Variants in DPYD observed in about 807,000 individuals in gnomAD.
The protein encoded by DPYD is dihydropyrimidine dehydrogenase, also known as dihydropyrimidine dehydrogenase [NADP(+)].
In DPYD, 109 loss-of-function variants were observed where a neutral mutation model predicts 116.2. The ratio of observed to expected loss-of-function variants is 0.94; its 90% CI spans 0.80 to 1.10. The LOEUF is 1.10. Among genes scored for constraint, DPYD ranks in the 50% least tolerant of loss-of-function variants. The pLI is 0.00. For synonymous variants in DPYD, 440 were observed against 432.0 expected (o/e 1.02, Z -0.23); for missense variants, 1,302 against 1,254.5 (o/e 1.04, Z -0.57).
chr1:97,713,751 T>A (rs1038428455), intron 5 of DPYD, among the ~76,000 whole-genome samples: 1 of 152,168 alleles, frequency 6.6e-6, no homozygotes, highest in African/African-American at 2.4e-5. Flanking sequence ...TTCATCTATA[T>A]CTTACTTCTC....
At chr1:97,782,065 T>C (rs563995768) in intron 3 of DPYD, among the ~76,000 whole-genome samples, 1 of 152,154 alleles carries the variant, frequency 6.6e-6, no homozygotes. Flanking sequence ...CACTGGAAGG[T>C]ATTAGTACAA....
chr1:97,834,013 G>T (rs1257058104), intron 2 of DPYD, among the ~76,000 whole-genome samples: 1 of 152,004 alleles, frequency 6.6e-6, no homozygotes, highest in Non-Finnish European at 1.5e-5. Flanking sequence ...AGCTCCTGAA[G>T]CCCATCTATG....
At chr1:97,079,514 G>A (rs1406944267) in intron 22 of DPYD, among the ~76,000 whole-genome samples, 1 of 151,980 alleles carries the variant, frequency 6.6e-6, no homozygotes, top group African/African-American at 2.4e-5. Flanking sequence ...ACTTTCACAC[G>A]TCCTCCTTTT....
chr1:97,855,634 G>A (rs1310460436), intron 2 of DPYD: 1 of 152,168 alleles, frequency 6.6e-6, no homozygotes, highest in Non-Finnish European at 1.5e-5. Context: ...GTAGCTTAAA[G>A]ACAGAATGTT....
intron 8 of DPYD, among the ~76,000 whole-genome samples, chr1:97,644,119 A>G (rs1429945427): frequency 6.6e-6 from 1 of 152,118 alleles, no homozygotes; most frequent in Non-Finnish European, 1.5e-5. Flanking sequence ...ATCTGAAAAA[A>G]AAAGAATCAT....
chr1:97,701,506 A>G (rs1046661597), intron 5 of DPYD, among the ~76,000 whole-genome samples: 2 of 151,736 alleles, frequency 1.3e-5, no homozygotes, highest in African/African-American at 4.8e-5. Context: ...AGTTGCTTGC[A>G]TTTAATAGGT....
chr1:97,415,829 G>A (rs1674259311), intron 14 of DPYD, among the ~76,000 whole-genome samples: 1 of 150,050 alleles, frequency 6.7e-6, no homozygotes, highest in Admixed American at 6.6e-5. Flanking sequence ...ACAGGGTATG[G>A]CTTTTAGGAA....
intron 5 of DPYD, among the ~76,000 whole-genome samples, chr1:97,716,599 G>A (rs1662629139): frequency 1.3e-5 from 2 of 151,954 alleles, no homozygotes; most frequent in Admixed American, 6.6e-5. Flanking sequence ...ATCCAGGGTG[G>A]GTGTGTTATA....
chr1:97,562,379 G>C (rs1251066903), intron 11 of DPYD, among the ~76,000 whole-genome samples: 1 of 152,228 alleles, frequency 6.6e-6, no homozygotes, highest in Non-Finnish European at 1.5e-5. Flanking sequence ...AAAATCACTG[G>C]ATATTTGGCA....
chr1:97,586,243 A>G (rs1654087938), intron 10 of DPYD: 1 of 152,150 alleles, frequency 6.6e-6, no homozygotes, highest in African/African-American at 2.4e-5. Context: ...AATCTCACCA[A>G]GTGGGAAAGG....
At chr1:97,276,242 A>G (rs1288954766) in intron 18 of DPYD, among the ~76,000 whole-genome samples, 1 of 152,126 alleles carries the variant, frequency 6.6e-6, no homozygotes, top group African/African-American at 2.4e-5. Flanking sequence ...TAATGGTCTT[A>G]TATTTAAATC....
rs566875883 is a variant in DPYD at position 97,569,165 on chromosome 1, G to A, written c.1339+4595C>T. On this transcript the variant is annotated intron_variant, in intron 11 of 22. Coordinates refer to ENST00000370192, the MANE Select transcript of DPYD (RefSeq NM_000110.4). ...GTAAAAATGAAGCAGTGAGATTAGTGAAAGGGTGGAAGAATTCTTACTAAT... is the reference window on the plus strand; with the variant it reads ...GTAAAAATGAAGCAGTGAGATTAGTAAAAGGGTGGAAGAATTCTTACTAAT... 4.6e-5 allele frequency among the ~76,000 whole-genome samples: 7 copies of A among 151,962 alleles called. 1 individual carries two copies. The highest frequency in any genetic ancestry group is 1.7e-4 in the African/African-American group (7 of 41,500).
intron 13 of DPYD, among the ~76,000 whole-genome samples, chr1:97,479,869 C>A (rs916153124): frequency 7.2e-5 from 11 of 152,180 alleles, no homozygotes; most frequent in African/African-American, 2.7e-4. Context: ...CTAATGGGAT[C>A]CTGATATTAT....
chr1:97,457,478 T>A (rs948916789), intron 13 of DPYD, among the ~76,000 whole-genome samples: 1 of 152,178 alleles, frequency 6.6e-6, no homozygotes, highest in African/African-American at 2.4e-5. Flanking sequence ...AACTAGACAC[T>A]AAAAGTGGTT....
intron 14 of DPYD, among the ~76,000 whole-genome samples, chr1:97,391,835 G>C (rs1570652836): frequency 6.6e-6 from 1 of 152,050 alleles, no homozygotes; most frequent in East Asian, 1.9e-4. Flanking sequence ...CTTTTGCTTT[G>C]ACCACACTGA....
At chr1:97,145,172 T>A (rs1654522740) in intron 20 of DPYD, among the ~76,000 whole-genome samples, 1 of 152,082 alleles carries the variant, frequency 6.6e-6, no homozygotes, top group Admixed American at 6.5e-5. Context: ...TAACAGGGAG[T>A]GCACATGTTC....
intron 13 of DPYD, among the ~76,000 whole-genome samples, chr1:97,507,085 T>G (rs1647393982): frequency 6.6e-6 from 1 of 152,168 alleles, no homozygotes; most frequent in Non-Finnish European, 1.5e-5. Flanking sequence ...TAAATAGTCT[T>G]GAAGTGAACA....
At chr1:97,437,628 C>T (rs1177124684) in intron 14 of DPYD, among the ~76,000 whole-genome samples, 1 of 151,812 alleles carries the variant, frequency 6.6e-6, no homozygotes, top group Non-Finnish European at 1.5e-5. Flanking sequence ...CTAAAATAAA[C>T]CCACCAAAGT....
chr1:97,840,529 T>C (rs1336590432), intron 2 of DPYD, among the ~76,000 whole-genome samples: 2 of 152,124 alleles, frequency 1.3e-5, no homozygotes, highest in Non-Finnish European at 2.9e-5. Flanking sequence ...CACCATTTCA[T>C]CCCATTATTT....
Sources: allele counts gnomAD v4.1 joint callset (sites outside exome capture counted in the v4.1 genomes callset), GRCh38; gene constraint gnomAD v4.1.1; transcripts MANE v1.5; gene names NCBI Gene and HGNC (gene_info 2026-07-23, HGNC 2026-07-21).